The following NXPE2 variants were observed in gnomAD, a reference collection of about 807,000 sequenced individuals.
The protein encoded by NXPE2 is NXPE family member 2.
Under a neutral mutation model 34.4 loss-of-function variants are expected in NXPE2, and 34 were observed. The ratio of observed to expected loss-of-function variants is 0.99; its 90% CI spans 0.75 to 1.31. NXPE2 has a LOEUF of 1.31. Ranked by LOEUF, NXPE2 falls within the 40% of genes most tolerant of loss-of-function variation. The pLI, the probability that NXPE2 is intolerant of heterozygous loss-of-function variation, is 0.00. For synonymous variants in NXPE2, 235 were observed against 231.3 expected (o/e 1.02, Z -0.15); for missense variants, 649 against 672.5 (o/e 0.97, Z 0.39).
chr11:114,622,120 G>A, the NXPE2 span, among the ~76,000 whole-genome samples: 15 of 151,644 alleles, frequency 9.9e-5, no homozygotes, highest in Admixed American at 2.6e-4. Context: ...ACTGTTACTC[G>A]GTGGATAATA....
At chr11:114,694,318 C>G (rs554249058) in intron 2 of NXPE2, among the ~76,000 whole-genome samples, 1 of 152,284 alleles carries the variant, frequency 6.6e-6, no homozygotes, top group Non-Finnish European at 1.5e-5. Context: ...ATATCTTATC[C>G]TTGTTCTTCA....
At chr11:114,557,667 AT>A in the NXPE2 span, among the ~76,000 whole-genome samples, 20 of 114,212 alleles carry the variant, frequency 1.8e-4, no homozygotes, top group Admixed American at 5.3e-4. Flanking sequence ...ATATATATAT[AT>A]ATATAAAATC....
the NXPE2 span, among the ~76,000 whole-genome samples, chr11:114,560,945 T>G: frequency 1.3e-5 from 2 of 152,214 alleles, no homozygotes; most frequent in African/African-American, 4.8e-5. Flanking sequence ...TTTTGTGGCT[T>G]GATAGCTTAT....
the NXPE2 span, among the ~76,000 whole-genome samples, chr11:114,603,585 C>T: frequency 6.6e-6 from 1 of 151,184 alleles, no homozygotes; most frequent in East Asian, 2.0e-4. Context: ...TCCTAGGTAA[C>T]TCCTATTACC....
At chr11:114,530,492 C>T in the NXPE2 span, 1 of 1,613,930 alleles carries the variant, frequency 6.2e-7, no homozygotes, top group South Asian at 1.1e-5. Context: ...CCTGGCCCTC[C>T]CAGAACAGAG....
At chr11:114,532,219 A>G in the NXPE2 span, among the ~76,000 whole-genome samples, 47 of 152,360 alleles carry the variant, frequency 3.1e-4, 1 homozygote, top group African/African-American at 8.7e-4. Flanking sequence ...ACAATGAGAT[A>G]TCATTTAAAA....
chr11:114,616,214 G>A, the NXPE2 span, among the ~76,000 whole-genome samples: 1 of 151,458 alleles, frequency 6.6e-6, no homozygotes, highest in African/African-American at 2.4e-5. Context: ...GTTACCTGGT[G>A]GATAATAAGT....
chr11:114,582,398 G>A, the NXPE2 span: 1 of 1,614,206 alleles, frequency 6.2e-7, no homozygotes, highest in Non-Finnish European at 8.5e-7. Flanking sequence ...CACAGTAGAA[G>A]CCTTCTTGGT....
At chr11:114,562,286 T>C in the NXPE2 span, among the ~76,000 whole-genome samples, 1 of 152,238 alleles carries the variant, frequency 6.6e-6, no homozygotes, top group Admixed American at 6.5e-5. Flanking sequence ...TTCCTGGTGC[T>C]GAGTGCCAAT....
the NXPE2 span, among the ~76,000 whole-genome samples, chr11:114,655,628 T>C: frequency 6.6e-6 from 1 of 152,216 alleles, no homozygotes; most frequent in African/African-American, 2.4e-5. Flanking sequence ...GAAGATCAGA[T>C]GGTTGTAGAT....
At chr11:114,553,930 T>C in the NXPE2 span, 1 of 985,440 alleles carries the variant, frequency 1.0e-6, no homozygotes, top group Non-Finnish European at 1.2e-6. Context: ...TTTTTGTTTT[T>C]GTTTTCTGGG....
the NXPE2 span, among the ~76,000 whole-genome samples, chr11:114,565,888 G>A: frequency 6.6e-6 from 1 of 152,126 alleles, no homozygotes; most frequent in Non-Finnish European, 1.5e-5. Context: ...AACTAAGATG[G>A]TAGCAATGGA....
At chr11:114,532,517 C>T in the NXPE2 span, among the ~76,000 whole-genome samples, 3 of 152,068 alleles carry the variant, frequency 2.0e-5, no homozygotes, top group Non-Finnish European at 4.4e-5. Context: ...TTTCCCACCT[C>T]CACAAGTCAC....
the NXPE2 span, chr11:114,582,289 T>A: frequency 6.4e-7 from 1 of 1,562,512 alleles, no homozygotes; most frequent in Non-Finnish European, 8.6e-7. Context: ...TATTTTTACC[T>A]TTCAAAGAGG....
At chr11:114,719,728 C>T in the NXPE2 span, among the ~76,000 whole-genome samples, 2 of 152,364 alleles carry the variant, frequency 1.3e-5, no homozygotes, top group African/African-American at 4.8e-5. Context: ...ACAGGGCATG[C>T]GGCTCCTCTG....
At chr11:114,484,603 C>T in the NXPE2 span, among the ~76,000 whole-genome samples, 2 of 152,228 alleles carry the variant, frequency 1.3e-5, no homozygotes, top group African/African-American at 2.4e-5. Flanking sequence ...TAGAAATCCC[C>T]GTTATTCTCC....
the NXPE2 span, among the ~76,000 whole-genome samples, chr11:114,491,009 A>C: frequency 6.7e-6 from 1 of 148,468 alleles, no homozygotes. Flanking sequence ...AAAAATACAA[A>C]AAATTAGCCG....
chr11:114,578,476 G>A, the NXPE2 span, among the ~76,000 whole-genome samples: 1 of 152,164 alleles, frequency 6.6e-6, no homozygotes, highest in Admixed American at 6.5e-5. Context: ...TGTAGATGAG[G>A]TAATTGAGGT....
the NXPE2 span, among the ~76,000 whole-genome samples, chr11:114,722,871 G>A: frequency 2.6e-5 from 4 of 152,262 alleles, no homozygotes; most frequent in African/African-American, 9.6e-5. Context: ...GTAATGAAGT[G>A]CCACTTCTTA....
Sources: allele counts gnomAD v4.1 joint callset (sites outside exome capture counted in the v4.1 genomes callset), GRCh38; gene constraint gnomAD v4.1.1; transcripts MANE v1.5; gene names NCBI Gene and HGNC (gene_info 2026-07-23, HGNC 2026-07-21).